UNC5D: variants seen among roughly 807,000 people sequenced by gnomAD.
The protein encoded by UNC5D is unc-5 netrin receptor D.
UNC5D carries 39 observed loss-of-function variants against 105.4 expected under a neutral mutation model. The ratio of observed to expected loss-of-function variants is 0.37; its 90% CI spans 0.29 to 0.48. UNC5D has a LOEUF of 0.48. Among genes scored for constraint, UNC5D ranks in the 20% least tolerant of loss-of-function variants. The probability of loss-of-function intolerance (pLI) is 0.98; values close to 1 mark genes in which losing one functional copy is unlikely to be tolerated. For synonymous variants in UNC5D, 452 were observed against 450.4 expected, an observed-to-expected ratio of 1.00 and a Z score of -0.04; for missense variants, 991 against 1,202.4, an observed-to-expected ratio of 0.82 and a Z score of 2.60.
intron 1 of UNC5D, among the ~76,000 whole-genome samples, chr8:35,429,285 G>C (rs1309888771): frequency 1.3e-5 from 2 of 152,122 alleles, no homozygotes; most frequent in Admixed American, 1.3e-4. Flanking sequence ...GTTTTTCATA[G>C]AGATAGCAAT....
intron 1 of UNC5D, among the ~76,000 whole-genome samples, chr8:35,301,404 T>G (rs1047654349): frequency 6.6e-6 from 1 of 152,214 alleles, no homozygotes; most frequent in Non-Finnish European, 1.5e-5. Context: ...AGAGGTTATC[T>G]AAGCAAAACC....
At chr8:35,781,073 T>C (rs2131773209) in intron 16 of UNC5D, among the ~76,000 whole-genome samples, 1 of 152,270 alleles carries the variant, frequency 6.6e-6, no homozygotes, top group East Asian at 1.9e-4. Context: ...AAAAATACAA[T>C]GAAGCCCATA....
rs533291523 is a variant in UNC5D at position 35,752,653 on chromosome 8, C to G, written c.2163+1844C>G. 4.7e-4 allele frequency among the ~76,000 whole-genome samples: 71 copies of G among 152,258 alleles called. No homozygotes were observed. The South Asian group carries it at 0.013, about 28-fold the overall frequency. The stretch of plus-strand genomic sequence containing the variant: ...TACTCTTCCTCTGCACTCCCCACCC[C>G]ACAATAAGAGGATTGCTCCAAGAGA... On this transcript the variant is annotated intron_variant, in intron 13 of 16. Transcript: ENST00000404895.
intron 1 of UNC5D, among the ~76,000 whole-genome samples, chr8:35,386,537 G>T (rs73588034): frequency 1.3e-5 from 2 of 152,178 alleles, no homozygotes; most frequent in Non-Finnish European, 2.9e-5. Flanking sequence ...GAAAAAAAAC[G>T]TCTAGCTTGT....
At chr8:35,696,262 A>G (rs924399197) in intron 7 of UNC5D, among the ~76,000 whole-genome samples, 8 of 148,688 alleles carry the variant, frequency 5.4e-5, no homozygotes, top group Middle Eastern at 3.5e-3. Context: ...CAATCTTGCC[A>G]TATTTATTAT....
At chr8:35,624,781 C>A (rs981823516) in intron 4 of UNC5D, among the ~76,000 whole-genome samples, 2 of 152,194 alleles carry the variant, frequency 1.3e-5, no homozygotes, top group East Asian at 1.9e-4. Flanking sequence ...GGGCGTCTTA[C>A]AACCATCCAC....
chr8:35,410,916 A>G (rs1805122143), intron 1 of UNC5D, among the ~76,000 whole-genome samples: 1 of 152,096 alleles, frequency 6.6e-6, no homozygotes, highest in Non-Finnish European at 1.5e-5. Context: ...TTTGCACGCT[A>G]TCATGAGAAA....
At chr8:35,613,422 A>G (rs1213778135) in intron 4 of UNC5D, among the ~76,000 whole-genome samples, 2 of 152,134 alleles carry the variant, frequency 1.3e-5, no homozygotes, top group Non-Finnish European at 2.9e-5. Context: ...ACCTTTCCCC[A>G]TGGTGTGTTT....
At position 35,270,173 on chromosome 8, in the gene UNC5D, C is replaced by A. The variant is rs116952685; in HGVS notation, c.103+34286C>A. 2.6e-4 allele frequency among the ~76,000 whole-genome samples: 40 copies of A among 152,316 alleles called. No individual in the cohort carries two copies. The East Asian group carries it at 5.2e-3, about 20-fold the overall frequency. ...GCTCAGTGTCGAGCCATAAGAAATT[C>A]TCCCAATTTTCCTCCTGTACTGTTT... On this transcript the variant is annotated intron_variant, in intron 1 of 16. Transcript: ENST00000404895.
intron 1 of UNC5D, among the ~76,000 whole-genome samples, chr8:35,534,020 G>A (rs984064200): frequency 2.1e-4 from 32 of 151,592 alleles, no homozygotes; most frequent in Middle Eastern, 3.4e-3. Context: ...CGTCGCTCAC[G>A]CTGGGAACTG....
intron 1 of UNC5D, among the ~76,000 whole-genome samples, chr8:35,307,129 A>T (rs1563299430): frequency 1.3e-5 from 2 of 152,296 alleles, no homozygotes; most frequent in South Asian, 2.1e-4. Context: ...AAGAAAAAAA[A>T]AATTACAAAA....
intron 1 of UNC5D, among the ~76,000 whole-genome samples, chr8:35,484,144 A>G (rs1810675473): frequency 6.6e-6 from 1 of 152,212 alleles, no homozygotes; most frequent in African/African-American, 2.4e-5. Flanking sequence ...CAAGAAATCA[A>G]TGCCAAGCTC....
chr8:35,790,186 A>G (rs924167671), intron 16 of UNC5D, among the ~76,000 whole-genome samples, 173 bp from the exon 17 acceptor site: 2 of 152,162 alleles, frequency 1.3e-5, no homozygotes, highest in Non-Finnish European at 2.9e-5. Flanking sequence ...CACAGTTTCA[A>G]CTGAGTGCTG....
At chr8:35,253,148 T>G (rs1432057598) in intron 1 of UNC5D, among the ~76,000 whole-genome samples, 2 of 151,938 alleles carry the variant, frequency 1.3e-5, no homozygotes, top group Non-Finnish European at 2.9e-5. Context: ...CCTTAATGTG[T>G]TATATGTGAT....
At chr8:35,478,757 A>C (rs1422993531) in intron 1 of UNC5D, among the ~76,000 whole-genome samples, 3 of 152,158 alleles carry the variant, frequency 2.0e-5, no homozygotes, top group Admixed American at 6.6e-5. Flanking sequence ...TTTTTGATCA[A>C]GTGTGAGGTA....
In UNC5D at chr8:35,780,144, C is replaced by T. The variant is rs556616844; in HGVS notation, c.2657+5667C>T. Among the ~76,000 whole-genome samples, 6 of 152,284 alleles carry T rather than the reference C, an allele frequency of 3.9e-5. No homozygotes were observed. The South Asian group carries it at 1.2e-3, about 32-fold the overall frequency. On this transcript the variant is annotated intron_variant, in intron 16 of 16. Coordinates refer to ENST00000404895, the MANE Select transcript of UNC5D (RefSeq NM_080872.4). ...TATTAACAGTTTTTCCCAGTGCCCT[C>T]CTCAATAGTATATTTGTTTGAACAT...
chr8:35,556,942 G>T (rs905400366), intron 2 of UNC5D, among the ~76,000 whole-genome samples: 3 of 152,136 alleles, frequency 2.0e-5, no homozygotes, highest in African/African-American at 7.2e-5. Context: ...TAGCACTGTA[G>T]GTGATACAAG....
At chr8:35,483,615 G>A (rs1429762424) in intron 1 of UNC5D, among the ~76,000 whole-genome samples, 1 of 152,110 alleles carries the variant, frequency 6.6e-6, no homozygotes, top group Non-Finnish European at 1.5e-5. Flanking sequence ...ATAGTAGTAT[G>A]GTTCTTTCTC....
intron 1 of UNC5D, chr8:35,525,484 C>G (rs976551720): frequency 6.2e-7 from 1 of 1,612,344 alleles, no homozygotes. Flanking sequence ...TCCTCCTTCT[C>G]TGTCCGTGCT....
Sources: allele counts gnomAD v4.1 joint callset (sites outside exome capture counted in the v4.1 genomes callset), GRCh38; gene constraint gnomAD v4.1.1; transcripts MANE v1.5; gene names NCBI Gene and HGNC (gene_info 2026-07-23, HGNC 2026-07-21).